The following PIGU variants were observed in gnomAD, a reference collection of about 807,000 sequenced individuals.
PIGU encodes phosphatidylinositol glycan anchor biosynthesis class U.
Under a neutral mutation model 49.9 loss-of-function variants are expected in PIGU, and 24 were observed. The observed-to-expected ratio is 0.48, with a 90% confidence interval of 0.35 to 0.68. The LOEUF (loss-of-function observed/expected upper bound fraction) is 0.68, where lower values mean the gene tolerates loss of function less well. Ranked by LOEUF, PIGU falls within the 30% of genes least tolerant of loss-of-function variation. PIGU has a pLI of 0.01. For synonymous variants in PIGU, 220 were observed against 205.7 expected, an observed-to-expected ratio of 1.07 and a Z score of -0.59; for missense variants, 490 against 532.6, an observed-to-expected ratio of 0.92 and a Z score of 0.79.
intron 7 of PIGU, among the ~76,000 whole-genome samples, chr20:34,597,274 G>A (rs979950220): frequency 2.6e-5 from 4 of 152,098 alleles, no homozygotes; most frequent in African/African-American, 9.7e-5. Flanking sequence ...TAAACAAAAC[G>A]CTGCACACAC....
chr20:34,601,555 G>A (rs1438181204), intron 7 of PIGU, among the ~76,000 whole-genome samples: 1 of 152,026 alleles, frequency 6.6e-6, no homozygotes, highest in East Asian at 1.9e-4. Context: ...ACGAAATCAG[G>A]GCCAGGGGAA....
At chr20:34,610,453 C>T (rs1435078060) in intron 7 of PIGU, among the ~76,000 whole-genome samples, 1 of 152,140 alleles carries the variant, frequency 6.6e-6, no homozygotes, top group Admixed American at 6.6e-5. Flanking sequence ...CGCCCATTCA[C>T]AATTGCTACA....
intron 2 of PIGU, among the ~76,000 whole-genome samples, chr20:34,645,767 G>C (rs971158776): frequency 1.8e-4 from 28 of 152,000 alleles, no homozygotes; most frequent in African/African-American, 6.5e-4. Flanking sequence ...CGTGGTGGCG[G>C]GCGCCTGTAG....
intron 11 of PIGU, among the ~76,000 whole-genome samples, chr20:34,574,621 T>C (rs1175646727): frequency 2.6e-5 from 4 of 152,110 alleles, no homozygotes; most frequent in Non-Finnish European, 5.9e-5. Flanking sequence ...CTGCCTGCCT[T>C]TGTTCCTGCT....
At chr20:34,563,712 T>A (rs1208582749) in intron 11 of PIGU, among the ~76,000 whole-genome samples, 1 of 152,146 alleles carries the variant, frequency 6.6e-6, no homozygotes, top group Non-Finnish European at 1.5e-5. Context: ...GCTTAATTCT[T>A]GTCCACTCTG....
chr20:34,615,084 T>C (rs1051656270), intron 7 of PIGU, among the ~76,000 whole-genome samples: 7 of 152,264 alleles, frequency 4.6e-5, no homozygotes, highest in African/African-American at 9.6e-5. Flanking sequence ...GCTGGTCCTG[T>C]GACCTTAAGT....
chr20:34,614,818 A>G (rs1365740420), intron 7 of PIGU, among the ~76,000 whole-genome samples: 2 of 152,172 alleles, frequency 1.3e-5, no homozygotes, highest in African/African-American at 2.4e-5. Context: ...ATTTCAATAA[A>G]TGGAATACAC....
At chr20:34,591,228 T>C (rs895587070) in intron 7 of PIGU, among the ~76,000 whole-genome samples, 2 of 151,842 alleles carry the variant, frequency 1.3e-5, no homozygotes, top group African/African-American at 4.8e-5. Flanking sequence ...ATTGGAAAAA[T>C]ATAACAGTTC....
chr20:34,640,233 T>C, intron 4 of PIGU, among the ~76,000 whole-genome samples: 1 of 152,116 alleles, frequency 6.6e-6, no homozygotes, highest in Non-Finnish European at 1.5e-5. Flanking sequence ...CACAATCTTC[T>C]CAAATACTTT....
At chr20:34,676,337 G>A (rs1458709868) in intron 1 of PIGU, among the ~76,000 whole-genome samples, 1 of 152,112 alleles carries the variant, frequency 6.6e-6, no homozygotes, top group Non-Finnish European at 1.5e-5. Context: ...TTATTATAAC[G>A]ATTTGTCTCC....
intron 6 of PIGU, among the ~76,000 whole-genome samples, chr20:34,627,498 T>A (rs887118766): frequency 1.3e-5 from 2 of 152,022 alleles, no homozygotes; most frequent in African/African-American, 4.8e-5. Context: ...GTGAAAGAGA[T>A]ACATATAACT....
intron 11 of PIGU, among the ~76,000 whole-genome samples, chr20:34,565,281 G>A (rs1160973761): frequency 2.0e-5 from 3 of 149,832 alleles, no homozygotes; most frequent in Non-Finnish European, 3.0e-5. Context: ...TTTTTGAGAC[G>A]AAGTCTCGCT....
intron 11 of PIGU, among the ~76,000 whole-genome samples, chr20:34,571,608 A>T (rs949028802): frequency 5.9e-5 from 9 of 152,184 alleles, no homozygotes; most frequent in African/African-American, 2.2e-4. Flanking sequence ...GGAACTGAGA[A>T]CATGTCCCCA....
rs114828989 is a variant in PIGU, at chr20:34,634,917, G to C, written c.429-202C>G. ...GTACTGAACATGGACTGCCTATTCT[G>C]TTCTATGGAGTATATGGAAAACTGT... On this transcript the variant is annotated intron_variant, in intron 5 of 11. Coordinates refer to ENST00000217446, the MANE Select transcript of PIGU (RefSeq NM_080476.5). Among the ~76,000 whole-genome samples, 1,092 of 152,290 alleles carry C rather than the reference G, an allele frequency of 7.2e-3. 17 individuals carry two copies. Among genetic ancestry groups the C allele is most frequent in the African/African-American group, 0.025 (1,051 of 41,576 alleles).
intron 6 of PIGU, among the ~76,000 whole-genome samples, chr20:34,620,981 A>T (rs1415966493): frequency 6.6e-6 from 1 of 152,168 alleles, no homozygotes; most frequent in African/African-American, 2.4e-5. Flanking sequence ...CAAGACAGAA[A>T]CAGAAAGCTT....
chr20:34,656,177 T>C (rs995790303), intron 2 of PIGU, among the ~76,000 whole-genome samples: 2 of 119,268 alleles, frequency 1.7e-5, no homozygotes, highest in African/African-American at 6.2e-5. Flanking sequence ...GTTTACCACG[T>C]TGGCCAGGCT....
chr20:34,590,646 AAAT>A (rs1168025282), intron 7 of PIGU, among the ~76,000 whole-genome samples: 1 of 142,362 alleles, frequency 7.0e-6, no homozygotes, highest in Non-Finnish European at 1.5e-5. Flanking sequence ...CACAACAACA[AAAT>A]AAAATAACAT....
rs551581419 is a variant in PIGU, at chr20:34,614,068, G to A, written c.627+1974C>T. Among the ~76,000 whole-genome samples the A allele has an allele frequency of 2.6e-5, 4 of 152,308 alleles. No individual in the cohort carries two copies. In the East Asian group the frequency reaches 7.7e-4, roughly 29 times the overall value. On this transcript the variant is annotated intron_variant, in intron 7 of 11. Transcript: ENST00000217446. ...CCCAGCACTTTGGGAGGCCAAGGCA[G>A]AAGGATCGCTTGAACCTAGGAGTTT...
chr20:34,676,883 C>A (rs1987520742), intron 1 of PIGU, 73 bp downstream of exon 1: 2 of 1,543,798 alleles, frequency 1.3e-6, no homozygotes, highest in Admixed American at 2.0e-5. Context: ...CGGTCACTGC[C>A]CCCGCCTCCC....
Sources: gnomAD v4.1 joint callset for allele counts (sites outside exome capture counted in the v4.1 genomes callset) on GRCh38, gnomAD v4.1.1 for gene constraint, MANE v1.5 for transcripts, NCBI Gene and HGNC (gene_info 2026-07-23, HGNC 2026-07-21) for gene names.